KAZN: variants seen among roughly 807,000 people sequenced by gnomAD.
The protein encoded by KAZN is kazrin.
A neutral mutation model predicts 87.4 loss-of-function variants in KAZN; 40 were observed. That is an observed-to-expected ratio of 0.46 (90% CI 0.36 to 0.60). KAZN has a LOEUF of 0.60. Among genes scored for constraint, KAZN ranks in the 20% least tolerant of loss-of-function variants. The pLI, the probability that KAZN is intolerant of heterozygous loss-of-function variation, is 0.00. For synonymous variants in KAZN, 466 were observed against 458.3 expected (o/e 1.02, Z -0.22); for missense variants, 898 against 1,073.9 (o/e 0.84, Z 2.29).
intron 2 of KAZN, among the ~76,000 whole-genome samples, chr1:14,382,469 T>G (rs1279201625): frequency 2.1e-5 from 1 of 46,954 alleles, no homozygotes; most frequent in Non-Finnish European, 3.6e-5. Flanking sequence ...CCCTCCCCCC[T>G]CCCCCCACCC....
chr1:14,778,728 G>A (rs1053059530), intron 1 of KAZN, among the ~76,000 whole-genome samples: 18 of 151,952 alleles, frequency 1.2e-4, no homozygotes, highest in Admixed American at 3.3e-4. Context: ...TATACCACCC[G>A]TGGACTCTGC....
intron 2 of KAZN, among the ~76,000 whole-genome samples, chr1:14,375,899 A>AC (rs1660873461): frequency 1.3e-5 from 2 of 151,392 alleles, no homozygotes; most frequent in South Asian, 2.1e-4. Flanking sequence ...AAAACAAAAA[A>AC]AAAAAAAAGA....
At chr1:14,452,887 A>G (rs1667352596) in intron 2 of KAZN, among the ~76,000 whole-genome samples, 1 of 152,210 alleles carries the variant, frequency 6.6e-6, no homozygotes, top group South Asian at 2.1e-4. Context: ...AGCCACAGTA[A>G]TGAGTAAAGC....
At chr1:14,632,569 CTTT>C (rs36056434) in intron 1 of KAZN, among the ~76,000 whole-genome samples, 3 of 131,160 alleles carry the variant, frequency 2.3e-5, no homozygotes, top group Admixed American at 1.5e-4. Flanking sequence ...TTCTTTTGGG[CTTT>C]TTTTTTTTTT....
intron 2 of KAZN, among the ~76,000 whole-genome samples, chr1:15,010,386 C>CTTTTTT (rs34697316): frequency 5.1e-5 from 4 of 78,220 alleles, no homozygotes; most frequent in Non-Finnish European, 9.7e-5. Context: ...GGTTGTCTTG[C>CTTTTTT]TTTTTTTTTT....
At chr1:14,052,242 T>C (rs1642370930) in intron 1 of KAZN, among the ~76,000 whole-genome samples, 1 of 152,222 alleles carries the variant, frequency 6.6e-6, no homozygotes, top group Non-Finnish European at 1.5e-5. Flanking sequence ...TCTGTGATAA[T>C]TATCTGTGTG....
intron 1 of KAZN, among the ~76,000 whole-genome samples, chr1:14,888,187 C>A (rs1214358006): frequency 6.6e-6 from 1 of 152,182 alleles, no homozygotes; most frequent in Non-Finnish European, 1.5e-5. Flanking sequence ...CTCGCCGGAG[C>A]GGTGCTTTCA....
intron 1 of KAZN, among the ~76,000 whole-genome samples, chr1:14,677,615 G>T (rs1269143593): frequency 6.6e-6 from 1 of 152,118 alleles, no homozygotes; most frequent in Non-Finnish European, 1.5e-5. Flanking sequence ...ACCATCCCAG[G>T]GTTCCTCTGG....
chr1:14,772,051 T>A (rs1645034560), intron 1 of KAZN, among the ~76,000 whole-genome samples: 1 of 152,120 alleles, frequency 6.6e-6, no homozygotes, highest in African/African-American at 2.4e-5. Context: ...AAAAATTTAA[T>A]CTGGTGGAGG....
intron 1 of KAZN, among the ~76,000 whole-genome samples, chr1:14,823,147 T>G (rs1041254094): frequency 6.6e-6 from 1 of 152,176 alleles, no homozygotes; most frequent in Non-Finnish European, 1.5e-5. Flanking sequence ...GCACCACACC[T>G]GGGAAGGCCC....
chr1:14,749,401 C>G (rs1572388103), intron 1 of KAZN, among the ~76,000 whole-genome samples: 1 of 152,204 alleles, frequency 6.6e-6, no homozygotes, highest in East Asian at 1.9e-4. Context: ...AATGTTTTTA[C>G]TAGGCCAGGT....
At chr1:14,782,905 C>T (rs890376202) in intron 1 of KAZN, among the ~76,000 whole-genome samples, 3 of 152,082 alleles carry the variant, frequency 2.0e-5, no homozygotes, top group African/African-American at 7.2e-5. Context: ...CTAATTTTTC[C>T]TGACAGTCCT....
At chr1:14,736,614 G>A (rs1353633983) in intron 1 of KAZN, among the ~76,000 whole-genome samples, 1 of 151,650 alleles carries the variant, frequency 6.6e-6, no homozygotes, top group Admixed American at 6.6e-5. Context: ...CTCGGCCAAG[G>A]GTGTACATTT....
intron 8 of KAZN, among the ~76,000 whole-genome samples, chr1:15,074,170 T>G (rs1369324120): frequency 3.9e-5 from 6 of 152,234 alleles, no homozygotes; most frequent in Admixed American, 3.9e-4. Context: ...CTGTGAAATC[T>G]GAGAAGTCCC....
chr1:14,756,289 T>C (rs920971329), intron 1 of KAZN, among the ~76,000 whole-genome samples: 2 of 152,248 alleles, frequency 1.3e-5, no homozygotes, highest in African/African-American at 4.8e-5. Flanking sequence ...ATCTTTGACT[T>C]GCTCTCGATT....
At chr1:14,890,242 T>C (rs1049648722) in intron 1 of KAZN, among the ~76,000 whole-genome samples, 1 of 152,202 alleles carries the variant, frequency 6.6e-6, no homozygotes, top group African/African-American at 2.4e-5. Context: ...TTGAAATTTC[T>C]CTTTAATGGA....
chr1:14,316,439 G>T (rs1160416048), intron 2 of KAZN, among the ~76,000 whole-genome samples: 2 of 151,856 alleles, frequency 1.3e-5, no homozygotes, highest in African/African-American at 4.8e-5. Flanking sequence ...TTGGTAATTT[G>T]TGTCTTCTCC....
intron 1 of KAZN, among the ~76,000 whole-genome samples, chr1:14,766,903 G>A (rs1644899238): frequency 1.3e-5 from 2 of 151,850 alleles, no homozygotes; most frequent in South Asian, 2.1e-4. Context: ...TTTAGCTATC[G>A]TTCAAGCTAT....
At chr1:14,848,939 G>A (rs542589996) in intron 1 of KAZN, among the ~76,000 whole-genome samples, 9 of 152,190 alleles carry the variant, frequency 5.9e-5, no homozygotes, top group Non-Finnish European at 1.3e-4. Context: ...TGGAGCGGGG[G>A]CTGGCTAGAG....
Sources: allele counts gnomAD v4.1 joint callset (sites outside exome capture counted in the v4.1 genomes callset), GRCh38; gene constraint gnomAD v4.1.1; transcripts MANE v1.5; gene names NCBI Gene and HGNC (gene_info 2026-07-23, HGNC 2026-07-21).